The following ITIH5 variants were observed in gnomAD, a reference collection of about 807,000 sequenced individuals.
ITIH5 encodes inter-alpha-trypsin inhibitor heavy chain 5.
A neutral mutation model predicts 77.5 loss-of-function variants in ITIH5; 65 were observed. That is an observed-to-expected ratio of 0.84 (90% confidence interval 0.69 to 1.03). ITIH5 has a LOEUF of 1.03. ITIH5 is among the 50% of genes least tolerant of loss of function. The pLI is 0.00. For synonymous variants in ITIH5, 525 were observed against 494.3 expected (o/e 1.06, Z -0.82); for missense variants, 1,208 against 1,213.1 (o/e 1.00, Z 0.06).
At chr10:7,580,567 C>T (rs1472489359) in intron 8 of ITIH5, among the ~76,000 whole-genome samples, 1 of 152,232 alleles carries the variant, frequency 6.6e-6, no homozygotes, top group Non-Finnish European at 1.5e-5. Context: ...CTGTAACAAA[C>T]CTTCTCCAGA....
intron 8 of ITIH5, among the ~76,000 whole-genome samples, chr10:7,582,948 T>C (rs573583396): frequency 1.3e-5 from 2 of 152,244 alleles, no homozygotes; most frequent in South Asian, 2.1e-4. Context: ...GGTGATTATA[T>C]TCAATAATAA....
chr10:7,656,222 T>A (rs1834178988), intron 1 of ITIH5, among the ~76,000 whole-genome samples: 1 of 152,136 alleles, frequency 6.6e-6, no homozygotes, highest in Non-Finnish European at 1.5e-5. Context: ...AGTGATGAAA[T>A]CGTCTTTTTT....
chr10:7,649,784 A>G (rs1439949639), intron 2 of ITIH5, among the ~76,000 whole-genome samples: 1 of 152,218 alleles, frequency 6.6e-6, no homozygotes, highest in Non-Finnish European at 1.5e-5. Context: ...TTGGACAGGC[A>G]GGTAACACAG....
intron 2 of ITIH5, among the ~76,000 whole-genome samples, chr10:7,650,144 C>T (rs1053242471): frequency 7.9e-5 from 12 of 152,176 alleles, no homozygotes; most frequent in African/African-American, 2.9e-4. Flanking sequence ...ATCAAGCCAC[C>T]CGAGGATGTC....
At chr10:7,633,957 T>C (rs558352579) in intron 5 of ITIH5, among the ~76,000 whole-genome samples, 9 of 151,382 alleles carry the variant, frequency 5.9e-5, no homozygotes, top group East Asian at 3.9e-4. Context: ...GGCGTGGTGG[T>C]GGGCGCCTGT....
intron 11 of ITIH5, chr10:7,572,301 G>C (rs1460590619): frequency 7.3e-7 from 1 of 1,366,084 alleles, no homozygotes; most frequent in Non-Finnish European, 9.8e-7. Flanking sequence ...GTCATAGGTT[G>C]TTCTTTCCTC....
At chr10:7,575,533 G>A (rs1423073923) in intron 10 of ITIH5, among the ~76,000 whole-genome samples, 1 of 152,168 alleles carries the variant, frequency 6.6e-6, no homozygotes, top group Non-Finnish European at 1.5e-5. Flanking sequence ...ACGCAGATCT[G>A]CCAGGAATAC....
At chr10:7,575,016 C>G (rs763690227) in intron 10 of ITIH5, among the ~76,000 whole-genome samples, 88 of 152,122 alleles carry the variant, frequency 5.8e-4, no homozygotes, top group Non-Finnish European at 1.1e-3. Context: ...AGCATCCTGC[C>G]ACATGCTTTT....
chr10:7,626,593 G>A (rs906532827), intron 5 of ITIH5, among the ~76,000 whole-genome samples: 18 of 152,168 alleles, frequency 1.2e-4, no homozygotes, highest in African/African-American at 3.9e-4. Flanking sequence ...GGAGCTGGGG[G>A]TTTCACAGCC....
At chr10:7,632,719 A>G (rs780617547) in intron 5 of ITIH5, among the ~76,000 whole-genome samples, 8 of 152,184 alleles carry the variant, frequency 5.3e-5, no homozygotes, top group Non-Finnish European at 1.2e-4. Flanking sequence ...TGTCTAGAGT[A>G]CGTTGTCTGG....
chr10:7,603,176 C>A (rs560769737), intron 7 of ITIH5, among the ~76,000 whole-genome samples: 1 of 152,192 alleles, frequency 6.6e-6, no homozygotes, highest in Non-Finnish European at 1.5e-5. Flanking sequence ...TGCTAAAAAA[C>A]GCGTGGTATA....
chr10:7,575,360 T>C (rs116778853), intron 10 of ITIH5, among the ~76,000 whole-genome samples: 1,624 of 152,242 alleles, frequency 0.011, 32 homozygotes, highest in African/African-American at 0.038. Flanking sequence ...GCATGCTTTC[T>C]CCACACCCAG....
intron 5 of ITIH5, among the ~76,000 whole-genome samples, chr10:7,627,050 T>C (rs1194682110): frequency 6.6e-6 from 1 of 152,172 alleles, no homozygotes; most frequent in Non-Finnish European, 1.5e-5. Flanking sequence ...CCACACCAAG[T>C]GTCTACGAAG....
At chr10:7,601,357 T>C (rs1833011899) in intron 7 of ITIH5, among the ~76,000 whole-genome samples, 1 of 152,148 alleles carries the variant, frequency 6.6e-6, no homozygotes, top group South Asian at 2.1e-4. Flanking sequence ...CAAGTGTTCA[T>C]ATCTGGGGAG....
intron 8 of ITIH5, among the ~76,000 whole-genome samples, chr10:7,583,333 T>TTTTG (rs369046039): frequency 1.2e-4 from 18 of 152,290 alleles, no homozygotes; most frequent in African/African-American, 4.3e-4. Context: ...TTTGCCTTTC[T>TTTTG]TTTGTTTGTT....
chr10:7,576,681 C>A lies in ITIH5; in HGVS notation c.1750G>T (p.Glu584Ter), dbSNP rs772255478. The change falls in exon 10 of 14, where the codon GAG becomes TAG. Residue 584 changes from glutamate (E) to a stop codon, truncating the protein, a stop_gained. Transcript: ENST00000397146. LOFTEE classifies it high-confidence loss of function. Reference protein sequence around the residue: ...ERLWSYLTTKELLSSWLQSDD... With the variant: ...ERLWSYLTTK ...CTTTGCAGCCAGGAGCTCAGCAGCTCCTTTGTGGTGAGGTAGCTCCAGAGA... is the reference window on the plus strand; with the variant it reads ...CTTTGCAGCCAGGAGCTCAGCAGCTACTTTGTGGTGAGGTAGCTCCAGAGA... 1 of 1,614,046 alleles carries A rather than the reference C, an allele frequency of 6.2e-7. No homozygotes were observed. The highest frequency in any genetic ancestry group is 1.7e-5 in the Admixed American group (1 of 60,006).
intron 7 of ITIH5, among the ~76,000 whole-genome samples, chr10:7,594,803 G>A (rs187689564): frequency 6.6e-6 from 1 of 152,322 alleles, no homozygotes; most frequent in Admixed American, 6.5e-5. Context: ...GAATTAGCAA[G>A]TCTTGGGGAG....
Position 7,565,370 on chromosome 10 carries a change from CTATG to C in ITIH5, c.2527+656_2527+659del, listed in dbSNP as rs535573368. Among the ~76,000 whole-genome samples the C allele has an allele frequency of 3.2e-3, 477 of 149,014 alleles. 1 individual carries two copies. The highest frequency in any genetic ancestry group is 0.013 in the Middle Eastern group (3 of 234). Reference sequence around the variant, plus strand: ...ATACATATATATATACATACACAGACTATGTATGTATATATACACACATATCATG... The same window carrying C: ...ATACATATATATATACATACACAGACTATGTATATATACACACATATCATG... On this transcript the variant is annotated intron_variant, in intron 13 of 13. Coordinates refer to ENST00000397146, the MANE Select transcript of ITIH5 (RefSeq NM_030569.7).
chr10:7,614,277 C>T (rs529301958), intron 7 of ITIH5, among the ~76,000 whole-genome samples: 52 of 152,192 alleles, frequency 3.4e-4, no homozygotes, highest in Non-Finnish European at 5.7e-4. Flanking sequence ...TGGACGAGCA[C>T]GTGATGTTAA....
Sources: gnomAD v4.1 joint callset for allele counts (sites outside exome capture counted in the v4.1 genomes callset) on GRCh38, gnomAD v4.1.1 for gene constraint, MANE v1.5 for transcripts, NCBI Gene and HGNC (gene_info 2026-07-23, HGNC 2026-07-21) for gene names.